The following MYO5B variants were observed in gnomAD, a reference collection of about 807,000 sequenced individuals.
MYO5B encodes unconventional myosin-Vb.
A neutral mutation model predicts 229.3 loss-of-function variants in MYO5B; 143 were observed. That is an observed-to-expected ratio of 0.62 (90% CI 0.54 to 0.72). The LOEUF is 0.72. MYO5B is among the 30% of genes least tolerant of loss of function. The pLI, the probability that MYO5B is intolerant of heterozygous loss-of-function variation, is 0.00. For missense variants in MYO5B, 2,321 were observed against 2,331.0 expected, an observed-to-expected ratio of 1.00 and a Z score of 0.09; for synonymous variants, 918 against 885.2, an observed-to-expected ratio of 1.04 and a Z score of -0.66.
At chr18:50,054,109 T>C (rs933608544) in intron 2 of MYO5B, among the ~76,000 whole-genome samples, 9 of 152,134 alleles carry the variant, frequency 5.9e-5, no homozygotes, top group Non-Finnish European at 1.2e-4. Flanking sequence ...CTGGCCTCCT[T>C]CCCTTTCCTG....
chr18:49,854,656 GCACAT>G (rs1392959749), intron 30 of MYO5B, among the ~76,000 whole-genome samples: 1 of 152,190 alleles, frequency 6.6e-6, no homozygotes, highest in African/African-American at 2.4e-5. Flanking sequence ...TTCCAGGAAT[GCACAT>G]AACAATTATG....
chr18:50,191,358 TA>T (rs1568139460), intron 1 of MYO5B, among the ~76,000 whole-genome samples: 1 of 152,194 alleles, frequency 6.6e-6, no homozygotes. Flanking sequence ...AGAACTCTAA[TA>T]TTTGTTTGGG....
chr18:50,153,734 G>C (rs901545368), intron 1 of MYO5B, among the ~76,000 whole-genome samples: 2 of 152,206 alleles, frequency 1.3e-5, no homozygotes, highest in Admixed American at 1.3e-4. Flanking sequence ...ACATGCGTGA[G>C]TCACTGTGCC....
At position 49,992,193 on chromosome 18, in the gene MYO5B, G is replaced by A; in HGVS notation, c.756+95C>T. The A allele has an allele frequency of 3.3e-6, 5 of 1,522,366 alleles. No individual in the cohort carries two copies. In the South Asian group the frequency reaches 5.6e-5, roughly 17 times the overall value. The allele number at this position is 1,522,366 out of a possible 1,614,324, so 94.3% of individuals were successfully genotyped here. ...TACATTCAATTCCAGGCTCACAAGA[G>A]AGATTCTCTTTGGGTCCAGGGAGTG... On this transcript the variant is annotated intron_variant, in intron 6 of 39. Transcript: ENST00000285039.
chr18:50,118,337 G>T (rs539690322), intron 1 of MYO5B, among the ~76,000 whole-genome samples: 104 of 152,222 alleles, frequency 6.8e-4, no homozygotes, highest in African/African-American at 2.3e-3. Context: ...GAAGCCCAAT[G>T]AGAGTTGCAG....
At chr18:50,002,054 T>G (rs892899823) in intron 4 of MYO5B, among the ~76,000 whole-genome samples, 1 of 101,414 alleles carries the variant, frequency 9.9e-6, no homozygotes, top group Non-Finnish European at 2.3e-5. Context: ...AAAAAAAAAA[T>G]TCACAAGCAC....
intron 18 of MYO5B, among the ~76,000 whole-genome samples, chr18:49,909,861 T>A (rs2024938799): frequency 6.6e-6 from 1 of 152,224 alleles, no homozygotes. Context: ...CTATACTTTT[T>A]CTTTAGGCAA....
At chr18:49,959,179 C>T (rs1435039204) in intron 12 of MYO5B, among the ~76,000 whole-genome samples, 1 of 152,220 alleles carries the variant, frequency 6.6e-6, no homozygotes, top group African/African-American at 2.4e-5. Context: ...CCCCACGACG[C>T]TCTTCCTTCT....
At chr18:49,912,262 G>T in intron 17 of MYO5B, 89 bp from the exon 18 acceptor site, 1 of 942,952 alleles carries the variant, frequency 1.1e-6, no homozygotes, top group Non-Finnish European at 1.8e-6. Flanking sequence ...TTCCCTATGG[G>T]GTCAACACTG....
intron 29 of MYO5B, among the ~76,000 whole-genome samples, chr18:49,860,202 G>A (rs1472978642): frequency 6.6e-6 from 1 of 152,128 alleles, no homozygotes; most frequent in Non-Finnish European, 1.5e-5. Context: ...CACTGTCAAA[G>A]AGCCAGACCA....
intron 1 of MYO5B, among the ~76,000 whole-genome samples, chr18:50,077,973 C>T (rs2031128241): frequency 6.6e-6 from 1 of 152,212 alleles, no homozygotes; most frequent in African/African-American, 2.4e-5. Context: ...CATATATTAG[C>T]ACAAAAGGCA....
chr18:49,941,289 C>A (rs2025310851), intron 14 of MYO5B, among the ~76,000 whole-genome samples: 1 of 152,172 alleles, frequency 6.6e-6, no homozygotes. Flanking sequence ...TCTAAAAGCA[C>A]CAACCAATGA....
At chr18:49,888,291 G>A (rs1268050068) in intron 22 of MYO5B, among the ~76,000 whole-genome samples, 2 of 152,194 alleles carry the variant, frequency 1.3e-5, no homozygotes, top group East Asian at 1.9e-4. Flanking sequence ...GTGAAAACCA[G>A]AATGTCTCCA....
In MYO5B at chr18:49,895,088, C is replaced by A. The variant is rs535423256; in HGVS notation, c.2898G>T (p.Leu966=). 1.2e-6 allele frequency: 2 copies of A among 1,614,192 alleles called. No individual in the cohort carries two copies. Among genetic ancestry groups the A allele is most frequent in the East Asian group, 4.5e-5 (2 of 44,882 alleles). The change falls in exon 22 of 40, where the codon CTG becomes CTT. Residue 966 remains leucine (L), a synonymous_variant. Coordinates refer to ENST00000285039, the MANE Select transcript of MYO5B (RefSeq NM_001080467.3). ...TMEVERLKKE[L]VHYQQSPGED... is the part of the protein sequence containing the mutation. ...CACCTGGGCTCTGCTGGTAGTGCAC[C>A]AGCTCCTTCTTCAGCCGCTCTACCT... is the stretch of plus-strand genomic sequence containing the variant.
At chr18:50,124,402 C>T (rs756180102) in intron 1 of MYO5B, among the ~76,000 whole-genome samples, 3 of 152,152 alleles carry the variant, frequency 2.0e-5, no homozygotes, top group Non-Finnish European at 4.4e-5. Context: ...CACATGGTCC[C>T]ATCACTCTCC....
chr18:49,894,431 G>A (rs2024753800), intron 22 of MYO5B, among the ~76,000 whole-genome samples: 1 of 152,180 alleles, frequency 6.6e-6, no homozygotes. Flanking sequence ...TTGGGGCAAA[G>A]CTCAGGAAGT....
At position 49,995,301 on chromosome 18, in the gene MYO5B, C is replaced by A. The variant is rs1387896358; in HGVS notation, c.613-2870G>T. 6.1e-5 allele frequency among the ~76,000 whole-genome samples: 9 copies of A among 146,824 alleles called. No individual in the cohort carries two copies. The Admixed American group carries it at 6.2e-4, about 10-fold the overall frequency. On this transcript the variant is annotated intron_variant, in intron 5 of 39. Transcript: ENST00000285039. ...ATGGAGTCTCGCTCAGTCTCCCAGG[C>A]TAGAGTGCAATGGTGTGATCTCGGC...
intron 1 of MYO5B, among the ~76,000 whole-genome samples, chr18:50,076,188 G>A (rs368002834): frequency 3.5e-4 from 54 of 152,312 alleles, no homozygotes; most frequent in African/African-American, 1.3e-3. Context: ...TACAGCCAGA[G>A]GCAGAGCTCA....
intron 39 of MYO5B, among the ~76,000 whole-genome samples, chr18:49,832,688 G>T (rs772960808): frequency 2.0e-5 from 3 of 152,166 alleles, no homozygotes; most frequent in Non-Finnish European, 4.4e-5. Flanking sequence ...TAGAAAGCAT[G>T]ACTTAAATTT....
Sources: allele counts gnomAD v4.1 joint callset (sites outside exome capture counted in the v4.1 genomes callset), GRCh38; gene constraint gnomAD v4.1.1; transcripts MANE v1.5; gene names NCBI Gene and HGNC (gene_info 2026-07-23, HGNC 2026-07-21).